Variants in SLC18A1 observed in about 807,000 individuals in gnomAD.
The protein encoded by SLC18A1 is solute carrier family 18 member A1.
SLC18A1 carries 69 observed loss-of-function variants against 53.7 expected under a neutral mutation model. That is an observed-to-expected ratio of 1.28 (90% CI 1.06 to 1.57). SLC18A1 has a LOEUF of 1.57. SLC18A1 is among the 40% of genes most tolerant of loss of function. SLC18A1 has a pLI of 0.00. For missense variants in SLC18A1, 932 were observed against 668.1 expected (o/e 1.40, Z -4.35); for synonymous variants, 320 against 248.1 (o/e 1.29, Z -2.72).
In SLC18A1 at chr8:20,173,135, A is replaced by T. The variant is rs1419344142; in HGVS notation, c.632-7T>A. The T allele has an allele frequency of 6.4e-7, 1 of 1,560,586 alleles. No individual in the cohort carries two copies. Among genetic ancestry groups the T allele is most frequent in the South Asian group, 1.2e-5 (1 of 84,744 alleles). On this transcript the variant is annotated splice_region_variant and splice_polypyrimidine_tract_variant and intron_variant, in intron 5 of 15. Coordinates refer to ENST00000276373, the MANE Select transcript of SLC18A1 (RefSeq NM_003053.4). ...CTGGCCAGCATTCCAAGACCTGCGC[A>T]GAGAGTTACAGATGCAGCTGGCCCC...
At chr8:20,158,387 C>G (rs1473702256) in intron 10 of SLC18A1, among the ~76,000 whole-genome samples, 1 of 152,166 alleles carries the variant, frequency 6.6e-6, no homozygotes, top group Non-Finnish European at 1.5e-5. Context: ...CTCGCAAAAG[C>G]AGGGGCCATT....
chr8:20,158,484 C>A (rs2071736386), intron 10 of SLC18A1, among the ~76,000 whole-genome samples: 1 of 152,092 alleles, frequency 6.6e-6, no homozygotes, highest in African/African-American at 2.4e-5. Context: ...AACAGAAGGA[C>A]AATATGGAGG....
intron 3 of SLC18A1, 131 bp downstream of exon 3, chr8:20,178,990 C>T: frequency 2.7e-6 from 3 of 1,103,174 alleles, no homozygotes; most frequent in Non-Finnish European, 3.8e-6. Context: ...AACGAGCTTT[C>T]CGAATAGCTG....
At chr8:20,166,501 G>C (rs1428450475) in intron 8 of SLC18A1, among the ~76,000 whole-genome samples, 1 of 151,154 alleles carries the variant, frequency 6.6e-6, no homozygotes, top group Non-Finnish European at 1.5e-5. Flanking sequence ...TTTATTTTGA[G>C]GAAAAAACAC....
chr8:20,162,955 C>T (rs146363070), intron 10 of SLC18A1, among the ~76,000 whole-genome samples: 2 of 152,200 alleles, frequency 1.3e-5, no homozygotes, highest in African/African-American at 4.8e-5. Flanking sequence ...TTTGTTATAG[C>T]AGCAGCCCGG....
intron 10 of SLC18A1, among the ~76,000 whole-genome samples, chr8:20,160,955 A>G (rs1350281091): frequency 6.6e-6 from 1 of 152,154 alleles, no homozygotes; most frequent in African/African-American, 2.4e-5. Flanking sequence ...GCTTTAATCT[A>G]TTCATAAAGG....
chr8:20,176,715 T>A (rs1392846808), intron 4 of SLC18A1, among the ~76,000 whole-genome samples: 1 of 152,204 alleles, frequency 6.6e-6, no homozygotes, highest in Non-Finnish European at 1.5e-5. Context: ...TTCTTTTGGT[T>A]AGAATTAGGC....
intron 10 of SLC18A1, among the ~76,000 whole-genome samples, chr8:20,160,506 A>C (rs987287452): frequency 3.3e-5 from 5 of 151,984 alleles, no homozygotes; most frequent in Non-Finnish European, 7.4e-5. Flanking sequence ...CTAAGGGGTG[A>C]GGGATTACAC....
intron 8 of SLC18A1, among the ~76,000 whole-genome samples, chr8:20,169,166 T>C (rs538940047): frequency 2.0e-5 from 3 of 152,108 alleles, no homozygotes; most frequent in South Asian, 4.2e-4. Flanking sequence ...TACGGTATCA[T>C]GAAGAAACAT....
chr8:20,159,689 C>G (rs907603564), intron 10 of SLC18A1, among the ~76,000 whole-genome samples: 3 of 126,580 alleles, frequency 2.4e-5, no homozygotes, highest in Non-Finnish European at 1.8e-5. Context: ...GAAAAGAAAT[C>G]TCTGAAATAT....
chr8:20,159,786 G>A (rs28621370), intron 10 of SLC18A1, among the ~76,000 whole-genome samples: 1,772 of 152,126 alleles, frequency 0.012, 39 homozygotes, highest in African/African-American at 0.038. Context: ...CGTGCCTGTC[G>A]CAGAGTAAGG....
intron 10 of SLC18A1, among the ~76,000 whole-genome samples, chr8:20,154,742 C>A (rs2071640363): frequency 6.6e-6 from 1 of 152,166 alleles, no homozygotes; most frequent in African/African-American, 2.4e-5. Flanking sequence ...AGGGCAACCC[C>A]CTTTGGGAGC....
chr8:20,173,208 A>G, intron 5 of SLC18A1, 80 bp from the exon 6 acceptor site: 1 of 991,898 alleles, frequency 1.0e-6, no homozygotes, highest in Non-Finnish European at 1.5e-6. Context: ...CCACCCTGTT[A>G]TCTCTTCAGT....
At chr8:20,161,259 C>G (rs528378425) in intron 10 of SLC18A1, among the ~76,000 whole-genome samples, 1 of 152,124 alleles carries the variant, frequency 6.6e-6, no homozygotes, top group South Asian at 2.1e-4. Flanking sequence ...CAGCTGTGAG[C>G]GTGTGAAATC....
rs17215738 is a variant in SLC18A1, at chr8:20,171,216, A to G, written c.815-70T>C. 1,155 of 1,502,954 alleles carry G rather than the reference A, an allele frequency of 7.7e-4. 10 individuals are homozygous for G. The African/African-American group carries it at 0.014, about 18-fold the overall frequency. 93.1% of individuals were successfully genotyped at this position (1,502,954 alleles called of 1,614,324 possible). A position where few individuals can be genotyped will look rare whatever the true frequency, so the allele number is the denominator to read the frequency against. On this transcript the variant is annotated intron_variant, in intron 7 of 15. Transcript: ENST00000276373. ...AGCTGGGGGCTCCAATAACAGCTGTAGTGCTACCACCCTATTATGCATAAA... is the reference window on the plus strand; with the variant it reads ...AGCTGGGGGCTCCAATAACAGCTGTGGTGCTACCACCCTATTATGCATAAA...
chr8:20,180,752 T>C, intron 2 of SLC18A1, 89 bp downstream of exon 2: 1 of 1,512,682 alleles, frequency 6.6e-7, no homozygotes, highest in Non-Finnish European at 9.0e-7. Context: ...AATTCTCAGA[T>C]GGATTCACTG....
chr8:20,148,218 A>G (rs1385786946), intron 12 of SLC18A1, 148 bp from the exon 13 acceptor site: 1 of 733,860 alleles, frequency 1.4e-6, no homozygotes, highest in Admixed American at 2.7e-5. Context: ...TTTCTCATGG[A>G]AAAGAATCTA....
chr8:20,171,738 G>C (rs1056637803), intron 6 of SLC18A1, among the ~76,000 whole-genome samples: 15 of 151,990 alleles, frequency 9.9e-5, no homozygotes, highest in African/African-American at 3.6e-4. Context: ...GTGTGTGTGT[G>C]TAGGGAGGGA....
At chr8:20,176,712 G>C (rs545051219) in intron 4 of SLC18A1, among the ~76,000 whole-genome samples, 1 of 152,090 alleles carries the variant, frequency 6.6e-6, no homozygotes, top group African/African-American at 2.4e-5. Flanking sequence ...ATTTTCTTTT[G>C]GTTAGAATTA....
Sources: gnomAD v4.1 joint callset for allele counts (sites outside exome capture counted in the v4.1 genomes callset) on GRCh38, gnomAD v4.1.1 for gene constraint, MANE v1.5 for transcripts, NCBI Gene and HGNC (gene_info 2026-07-23, HGNC 2026-07-21) for gene names.